Variants in ITGB1 observed in about 807,000 individuals in gnomAD.
ITGB1 encodes integrin beta-1.
A neutral mutation model predicts 86.5 loss-of-function variants in ITGB1; 24 were observed. The ratio of observed to expected loss-of-function variants is 0.28; its 90% confidence interval spans 0.20 to 0.39. ITGB1 has a LOEUF of 0.39. Among genes scored for constraint, ITGB1 ranks in the 10% least tolerant of loss-of-function variants. ITGB1 has a pLI of 1.00. For missense variants in ITGB1, 556 were observed against 946.9 expected (o/e 0.59, Z 5.42); for synonymous variants, 323 against 316.8 (o/e 1.02, Z -0.21).
intron 1 of ITGB1, among the ~76,000 whole-genome samples, chr10:32,940,083 C>T (rs1396636187): frequency 6.6e-6 from 1 of 152,178 alleles, no homozygotes; most frequent in African/African-American, 2.4e-5. Context: ...CGGTGGCTCA[C>T]GCCTGTAATC....
chr10:32,939,461 C>T (rs552159300), intron 1 of ITGB1, among the ~76,000 whole-genome samples: 71 of 152,280 alleles, frequency 4.7e-4, no homozygotes, highest in African/African-American at 1.5e-3. Flanking sequence ...TTACACAAAC[C>T]GAGATGGTGT....
intron 11 of ITGB1, among the ~76,000 whole-genome samples, chr10:32,913,923 T>C (rs1372898658): frequency 2.6e-5 from 4 of 152,054 alleles, no homozygotes; most frequent in East Asian, 3.9e-4. Context: ...AGAGAAAGGT[T>C]GGGTTACCCA....
chr10:32,957,355 G>A (rs1424578410), intron 1 of ITGB1, among the ~76,000 whole-genome samples: 1 of 152,198 alleles, frequency 6.6e-6, no homozygotes, highest in African/African-American at 2.4e-5. Context: ...GCGGTAAAAT[G>A]ATACTAGACA....
intron 1 of ITGB1, chr10:32,945,149 A>G (rs1260381666): frequency 5.9e-6 from 2 of 340,786 alleles, no homozygotes; most frequent in African/African-American, 4.2e-5. Context: ...GATACTGAGG[A>G]TGTGCCAAAC....
chr10:32,941,741 A>AG (rs1182023489), intron 1 of ITGB1, among the ~76,000 whole-genome samples: 1 of 152,246 alleles, frequency 6.6e-6, no homozygotes, highest in African/African-American at 2.4e-5. Context: ...TTCAGATAAC[A>AG]GCAACAAACA....
chr10:32,911,046 T>A (rs2094911758), intron 13 of ITGB1, among the ~76,000 whole-genome samples: 1 of 152,230 alleles, frequency 6.6e-6, no homozygotes, highest in African/African-American at 2.4e-5. Flanking sequence ...GCCAAAATCA[T>A]AATAATTTAA....
chr10:32,921,151 T>C (rs1048184230), intron 9 of ITGB1, among the ~76,000 whole-genome samples: 4 of 141,164 alleles, frequency 2.8e-5, no homozygotes, highest in African/African-American at 7.9e-5. Flanking sequence ...TAAGGAACCA[T>C]TGTAGCCCAG....
intron 4 of ITGB1, among the ~76,000 whole-genome samples, chr10:32,929,213 T>G (rs78366406): frequency 1.6e-5 from 2 of 128,530 alleles, no homozygotes; most frequent in East Asian, 2.0e-4. Flanking sequence ...TTAAAAAAAA[T>G]CCTGACAAGG....
At chr10:32,944,901 T>TA (rs140596306) in intron 1 of ITGB1, 78,478 of 1,336,358 alleles carry the variant, frequency 0.059, 2,875 homozygotes, top group Non-Finnish European at 0.069. Context: ...ATCAAAAGAC[T>TA]AAAGGCTTAT....
At chr10:32,939,602 G>A (rs1018660871) in intron 1 of ITGB1, among the ~76,000 whole-genome samples, 4 of 152,224 alleles carry the variant, frequency 2.6e-5, no homozygotes, top group Non-Finnish European at 5.9e-5. Context: ...TCTACGCACA[G>A]TTAGACACAG....
intron 1 of ITGB1, among the ~76,000 whole-genome samples, chr10:32,941,555 T>C (rs1053462429): frequency 1.3e-5 from 2 of 152,096 alleles, no homozygotes; most frequent in African/African-American, 4.8e-5. Context: ...CTAAAAGAGT[T>C]TGGATTCCAT....
At chr10:32,919,063 G>A (rs1407288413) in intron 11 of ITGB1, among the ~76,000 whole-genome samples, 1 of 152,156 alleles carries the variant, frequency 6.6e-6, no homozygotes, top group African/African-American at 2.4e-5. Context: ...AAATGGACCT[G>A]CATGATTAAA....
Position 32,919,950 on chromosome 10 carries a change from G to C in ITGB1, c.1404C>G (p.Ser468Arg). 1 of 1,614,024 alleles carries C rather than the reference G, an allele frequency of 6.2e-7. No homozygotes were observed. Among genetic ancestry groups the C allele is most frequent in the Admixed American group, 1.7e-5 (1 of 60,016 alleles). ...LQYICECECQ[S>R]EGIPESPKCH... The stretch of plus-strand genomic sequence containing the variant: ...ACTTGGGACTTTCAGGGATGCCTTC[G>C]CTTTGGCATTCACATTCACAGATGT... Residue 468 changes from serine (S) to arginine (R), a missense_variant, in exon 11 of 16, where the codon AGC becomes AGG. Around this residue, in one of 4 missense-constraint regions of ITGB1, gnomAD observed 330 missense variants for 531.5 expected, o/e 0.62. Coordinates refer to ENST00000302278, the MANE Select transcript of ITGB1 (RefSeq NM_002211.4).
chr10:32,913,174 G>C (rs2488324), intron 11 of ITGB1, among the ~76,000 whole-genome samples: 102,417 of 152,046 alleles, frequency 0.67, 39,243 homozygotes, highest in Non-Finnish European at 0.84. Context: ...TCACCATCAT[G>C]GAAGACCAAA....
At position 32,923,717 on chromosome 10, in the gene ITGB1, A is replaced by G. The variant is rs1474419792; in HGVS notation, c.810T>C (p.Val270=). 1 of 1,613,412 alleles carries G rather than the reference A, an allele frequency of 6.2e-7. No homozygotes were observed. Among genetic ancestry groups the G allele is most frequent in the East Asian group, 2.2e-5 (1 of 44,856 alleles). Residue 270 remains valine, a synonymous_variant, in exon 7 of 16, where the codon GTT becomes GTC. Coordinates refer to ENST00000302278, the MANE Select transcript of ITGB1 (RefSeq NM_002211.4). The stretch of plus-strand genomic sequence containing the variant: ...CTGTGGAAAACACCAGCAGCCGTGT[A>G]ACATTCCTCCAGCCAATCAGTGACT... ...VCGSLIGWRN[V]TRLLVFSTDA... is the part of the protein sequence containing the mutation.
At chr10:32,950,341 C>G (rs949313427) in intron 1 of ITGB1, among the ~76,000 whole-genome samples, 3 of 152,080 alleles carry the variant, frequency 2.0e-5, no homozygotes, top group African/African-American at 7.2e-5. Flanking sequence ...ACTGAGAAAT[C>G]TTTCTGAATT....
chr10:32,946,436 T>G (rs2137259258), intron 1 of ITGB1, among the ~76,000 whole-genome samples: 1 of 152,266 alleles, frequency 6.6e-6, no homozygotes, highest in South Asian at 2.1e-4. Flanking sequence ...CACTGCCACC[T>G]TATCTTAAGG....
chr10:32,942,697 TG>T lies in ITGB1; in HGVS notation c.1-7140del, dbSNP rs77276454. 9.0e-4 allele frequency among the ~76,000 whole-genome samples: 132 copies of T among 145,908 alleles called. 2 individuals are homozygous for T. The highest frequency in any genetic ancestry group is 7.2e-3 in the Middle Eastern group (2 of 276). ...TCTCTCTCTCTCTTTTTTTTTTTTTTGGGGGGAGACAGGGTCTTGCTCTGTC... is the reference window on the plus strand; with the variant it reads ...TCTCTCTCTCTCTTTTTTTTTTTTTTGGGGGAGACAGGGTCTTGCTCTGTC... On this transcript the variant is annotated intron_variant, in intron 1 of 15. Transcript: ENST00000302278.
At chr10:32,941,107 T>C (rs538071070) in intron 1 of ITGB1, among the ~76,000 whole-genome samples, 2 of 152,280 alleles carry the variant, frequency 1.3e-5, no homozygotes, top group African/African-American at 4.8e-5. Context: ...CAGTTAGACC[T>C]GAAGGCACAT....
Sources: allele counts gnomAD v4.1 joint callset (sites outside exome capture counted in the v4.1 genomes callset), GRCh38; gene constraint gnomAD v4.1.1; regional missense constraint gnomAD v4.1.1; transcripts MANE v1.5; gene names NCBI Gene and HGNC (gene_info 2026-07-23, HGNC 2026-07-21).